FADS3: variants seen among roughly 807,000 people sequenced by gnomAD.
FADS3 encodes the protein fatty acid desaturase 3.
FADS3 carries 30 observed loss-of-function variants against 60.4 expected under a neutral mutation model. That is an observed-to-expected ratio of 0.50 (90% CI 0.37 to 0.67). FADS3 has a LOEUF of 0.67. FADS3 is among the 30% of genes least tolerant of loss of function. The pLI is 0.00. For missense variants in FADS3, 432 were observed against 598.3 expected (o/e 0.72, Z 2.90); for synonymous variants, 234 against 249.3 (o/e 0.94, Z 0.58).
At chr11:61,875,779 G>T in intron 11 of FADS3, 72 bp downstream of exon 11, 1 of 1,563,868 alleles carries the variant, frequency 6.4e-7, no homozygotes. Flanking sequence ...TCAGCATGAG[G>T]CTGACCTGGA....
intron 1 of FADS3, among the ~76,000 whole-genome samples, chr11:61,883,854 G>A (rs1324687498): frequency 2.0e-5 from 3 of 152,246 alleles, no homozygotes; most frequent in Non-Finnish European, 2.9e-5. Context: ...GCAATGATAA[G>A]GGGAAGTGTG....
intron 1 of FADS3, among the ~76,000 whole-genome samples, chr11:61,887,514 A>G (rs1402627299): frequency 6.6e-6 from 1 of 152,168 alleles, no homozygotes; most frequent in Non-Finnish European, 1.5e-5. Flanking sequence ...AGTCCTTCCG[A>G]GGACACAAAC....
At chr11:61,888,032 C>CA (rs1481290580) in intron 1 of FADS3, among the ~76,000 whole-genome samples, 2 of 152,246 alleles carry the variant, frequency 1.3e-5, no homozygotes, top group African/African-American at 4.8e-5. Context: ...AGTAGGCACT[C>CA]AGCACATGGC....
chr11:61,877,076 C>T lies in FADS3; in HGVS notation c.886-113G>A, dbSNP rs1937924025. ...TCCAACCCTTCTGCCTGATTTGCCT[C>T]AGAGCCCAGGACAGGCCACCACCCT... On this transcript the variant is annotated intron_variant, in intron 7 of 11. Transcript: ENST00000278829. This position sits in a 1 kb window ranked among gnomAD's most constrained non-coding sequence, Gnocchi z 4.7. 1 of 725,902 alleles carries T rather than the reference C, an allele frequency of 1.4e-6. No homozygotes were observed. The highest frequency in any genetic ancestry group is 2.2e-6 in the Non-Finnish European group (1 of 447,090). The allele number at this position is 725,902 out of a possible 1,614,324, so 45.0% of individuals were successfully genotyped here. A position where few individuals can be genotyped will look rare whatever the true frequency, so the allele number is the denominator to read the frequency against.
intron 1 of FADS3, chr11:61,882,007 CTGGGCCCCCAGCTA>C (rs1387030284): frequency 3.3e-5 from 5 of 149,912 alleles, no homozygotes; most frequent in African/African-American, 1.2e-4. Flanking sequence ...AGGAAGCTGT[CTGGGCCCCCAGCTA>C]CCTGCAGAGC....
At chr11:61,890,578 T>TG (rs1938470290) in intron 1 of FADS3, among the ~76,000 whole-genome samples, 1 of 152,134 alleles carries the variant, frequency 6.6e-6, no homozygotes, top group South Asian at 2.1e-4. Context: ...ATTGGGAAGT[T>TG]GGGGTCCCCA....
chr11:61,883,054 T>C (rs1938191818), intron 1 of FADS3, among the ~76,000 whole-genome samples: 1 of 152,164 alleles, frequency 6.6e-6, no homozygotes, highest in Non-Finnish European at 1.5e-5. Context: ...TGTAGTAAAA[T>C]ATACATGAAA....
In FADS3 at chr11:61,878,496, G is replaced by A. The variant is rs988196396; in HGVS notation, c.747+16C>T. ...GCAGGCCCAGCCAGAGGTTGTCCAC[G>A]TCCCTCCCCACCCACCTCGACGGAT... is the stretch of plus-strand genomic sequence containing the variant. On this transcript the variant is annotated intron_variant, in intron 5 of 11. Coordinates refer to ENST00000278829, the MANE Select transcript of FADS3 (RefSeq NM_021727.5). The A allele has an allele frequency of 6.2e-6, 10 of 1,611,822 alleles. No homozygotes were observed. The highest frequency in any genetic ancestry group is 1.7e-5 in the Admixed American group (1 of 59,888).
intron 1 of FADS3, among the ~76,000 whole-genome samples, chr11:61,882,891 G>A (rs539196392): frequency 6.6e-6 from 1 of 151,994 alleles, no homozygotes; most frequent in Admixed American, 6.6e-5. Context: ...CACCACACCA[G>A]GCTAATTTTT....
rs143769882 is a variant in FADS3, at chr11:61,879,498, G to T, written c.336C>A (p.Val112=). The T allele has an allele frequency of 7.0e-6, 11 of 1,578,546 alleles. No homozygotes were observed. In the East Asian group the frequency reaches 2.3e-4, roughly 33 times the overall value. Residue 112 remains valine (V), a synonymous_variant, in exon 3 of 12, where the codon GTC becomes GTA. Coordinates refer to ENST00000278829, the MANE Select transcript of FADS3 (RefSeq NM_021727.5). ...SQDGPLNAQL[V]EDFRALHQAA... ...CCTGGTGCAGGGCTCGGAAGTCCTC[G>T]ACCAGCTGCGCCTGCCATAGCAGAG...
intron 11 of FADS3, among the ~76,000 whole-genome samples, chr11:61,875,347 T>C (rs55855968): frequency 0.064 from 9,688 of 151,046 alleles, 1,105 homozygotes; most frequent in African/African-American, 0.22. Flanking sequence ...GCTGGGATTA[T>C]GGGCACCTGC....
At position 61,875,944 on chromosome 11, in the gene FADS3, C is replaced by G. The variant is rs147385123; in HGVS notation, c.1193G>C (p.Ser398Thr). 1.9e-6 allele frequency: 3 copies of G among 1,613,776 alleles called. No homozygotes were observed. Among genetic ancestry groups the G allele is most frequent in the Non-Finnish European group, 2.5e-6 (3 of 1,180,038 alleles). ...CGACTTGACCAGCGGGGCCACCCGG[C>G]TGTAGTTGTGTCTCGGCATCCTGGG... is the stretch of plus-strand genomic sequence containing the variant. ...LFPRMPRHNY[S>T]RVAPLVKSLC... The change falls in exon 11 of 12, where the codon AGC becomes ACC. Residue 398 changes from serine to threonine, a missense_variant. Coordinates refer to ENST00000278829, the MANE Select transcript of FADS3 (RefSeq NM_021727.5).
chr11:61,887,557 C>T (rs1938359345), intron 1 of FADS3, among the ~76,000 whole-genome samples: 1 of 152,220 alleles, frequency 6.6e-6, no homozygotes, highest in Admixed American at 6.5e-5. Flanking sequence ...CGCCTCTAGA[C>T]CTCACTGCCA....
chr11:61,877,329 G>A lies in FADS3; in HGVS notation c.885+182C>T. On this transcript the variant is annotated intron_variant, in intron 7 of 11. Coordinates refer to ENST00000278829, the MANE Select transcript of FADS3 (RefSeq NM_021727.5). The surrounding 1 kb of genome is among the most constrained non-coding windows in gnomAD (Gnocchi z 4.7). ...CCCCCCCACCACACGTACAGTCACG[G>A]GCACACTCGCTCTCCTGCTGCGCGC... The A allele has an allele frequency of 3.6e-6, 2 of 558,582 alleles. No individual in the cohort carries two copies. Among genetic ancestry groups the A allele is most frequent in the Non-Finnish European group, 6.3e-6 (2 of 317,270 alleles). The allele number at this position is 558,582 out of a possible 1,614,324, so 34.6% of individuals were successfully genotyped here. A position where few individuals can be genotyped will look rare whatever the true frequency, so the allele number is the denominator to read the frequency against.
intron 2 of FADS3, 66 bp from the exon 3 acceptor site, chr11:61,879,575 C>A (rs1938047656): frequency 6.9e-7 from 1 of 1,450,084 alleles, no homozygotes; most frequent in African/African-American, 1.4e-5. Flanking sequence ...CTCCTGGAGC[C>A]CCAGCCGCTC....
At chr11:61,891,065 G>A (rs1938488655) in intron 1 of FADS3, 104 bp downstream of exon 1, 3 of 1,004,730 alleles carry the variant, frequency 3.0e-6, no homozygotes, top group South Asian at 1.5e-5. Context: ...GGTCAGCGAG[G>A]GGAGGGAGGA....
At chr11:61,880,290 ACAGT>A (rs1220843171) in intron 1 of FADS3, 139 bp from the exon 2 acceptor site, 4 of 641,516 alleles carry the variant, frequency 6.2e-6, no homozygotes, top group East Asian at 2.9e-5. Flanking sequence ...CGGCTGATGA[ACAGT>A]CAAAGACATG....
Position 61,876,262 on chromosome 11 carries a change from C to T in FADS3, c.1081-72G>A. Reference sequence around the variant, plus strand: ...CTGACCCCACGGCACCATCCCCCACCTGGCAGCCCCGTCAGGGCCTCATCC... The same window carrying T: ...CTGACCCCACGGCACCATCCCCCACTTGGCAGCCCCGTCAGGGCCTCATCC... On this transcript the variant is annotated intron_variant, in intron 9 of 11. Coordinates refer to ENST00000278829, the MANE Select transcript of FADS3 (RefSeq NM_021727.5). This position sits in a 1 kb window ranked among gnomAD's most constrained non-coding sequence, Gnocchi z 5.7. 6.3e-7 allele frequency: 1 copy of T among 1,575,072 alleles called. No individual in the cohort carries two copies. Among genetic ancestry groups the T allele is most frequent in the Non-Finnish European group, 8.6e-7 (1 of 1,157,818 alleles).
In FADS3 at chr11:61,877,957, G is replaced by A; in HGVS notation, c.808+198C>T. Reference sequence around the variant, plus strand: ...TGGCCCGTGGCTGCAAGGTGTCCCAGGCACGGGAGACAGCTGGGGCAAAGG... The same window carrying A: ...TGGCCCGTGGCTGCAAGGTGTCCCAAGCACGGGAGACAGCTGGGGCAAAGG... On this transcript the variant is annotated intron_variant, in intron 6 of 11. Coordinates refer to ENST00000278829, the MANE Select transcript of FADS3 (RefSeq NM_021727.5). This position sits in a 1 kb window ranked among gnomAD's most constrained non-coding sequence, Gnocchi z 4.7. The A allele has an allele frequency of 3.2e-6, 2 of 622,128 alleles. No homozygotes were observed. Among genetic ancestry groups the A allele is most frequent in the Non-Finnish European group, 2.9e-6 (1 of 350,198 alleles). The allele number at this position is 622,128 out of a possible 1,614,324, so 38.5% of individuals were successfully genotyped here.
Sources: allele counts gnomAD v4.1 joint callset (sites outside exome capture counted in the v4.1 genomes callset), GRCh38; gene constraint gnomAD v4.1.1; non-coding constraint Gnocchi (gnomAD v3.1); transcripts MANE v1.5; gene names NCBI Gene and HGNC (gene_info 2026-07-23, HGNC 2026-07-21).